The following CDH15 variants were observed in gnomAD, a reference collection of about 807,000 sequenced individuals.
CDH15 encodes the protein cadherin-15.
In CDH15, 73 loss-of-function variants were observed where a neutral mutation model predicts 69.4. The ratio of observed to expected loss-of-function variants is 1.05; its 90% CI spans 0.87 to 1.28. CDH15 has a LOEUF of 1.28. CDH15 is among the 50% of genes most tolerant of loss of function. The probability of loss-of-function intolerance (pLI) is 0.00; values close to 1 mark genes in which losing one functional copy is unlikely to be tolerated. For missense variants in CDH15, 1,343 were observed against 1,133.6 expected, an observed-to-expected ratio of 1.18 and a Z score of -2.65; for synonymous variants, 624 against 507.7, an observed-to-expected ratio of 1.23 and a Z score of -3.08.
In CDH15 at chr16:89,195,129, CCCAGACACAGAGG is replaced by C; in HGVS notation, c.2422_2434del (p.Arg808GlyfsTer27). Reference sequence around the variant, plus strand: ...GGGTCTTTCTCCTGGGGCACTGCTACCCAGACACAGAGGCCGGACAGCCTGACCCTGGGGCGCA... The same window carrying C: ...GGGTCTTTCTCCTGGGGCACTGCTACCCGGACAGCCTGACCCTGGGGCGCA... On this transcript the variant is annotated frameshift_variant, in exon 14 of 14. Coordinates refer to ENST00000289746, the MANE Select transcript of CDH15 (RefSeq NM_004933.3). LOFTEE classifies it low-confidence loss of function (END_TRUNC). The C allele has an allele frequency of 6.2e-7, 1 of 1,601,820 alleles. No individual in the cohort carries two copies. Among genetic ancestry groups the C allele is most frequent in the Non-Finnish European group, 8.5e-7 (1 of 1,173,606 alleles).
In CDH15 at chr16:89,185,230, C is replaced by G; in HGVS notation, c.560C>G (p.Ala187Gly). 6.2e-7 allele frequency: 1 copy of G among 1,606,106 alleles called. No individual in the cohort carries two copies. The highest frequency in any genetic ancestry group is 1.1e-5 in the South Asian group (1 of 89,686). ...TDADDPETDN[A>G]ALRFSILQQG... ...GCCGACGACCCCGAGACGGACAACG[C>G]AGCGCTGCGGTTCTCCATCCTGCAG... is the stretch of plus-strand genomic sequence containing the variant. Residue 187 changes from alanine to glycine, a missense_variant, in exon 5 of 14, where the codon GCA (alanine) becomes GGA (glycine). Transcript: ENST00000289746.
chr16:89,192,285 C>A lies in CDH15; in HGVS notation c.1696C>A (p.Gln566Lys), dbSNP rs755077990. Residue 566 changes from glutamine to lysine, a missense_variant, in exon 11 of 14, where the codon CAG becomes AAG. Gln to Lys is a moderately conservative substitution (Grantham distance 53). Coordinates refer to ENST00000289746, the MANE Select transcript of CDH15 (RefSeq NM_004933.3). The stretch of plus-strand genomic sequence containing the variant: ...CAGCCTGCTGCTCCGGGACTCGGGG[C>A]AGCCGCCCCAGCAGCGCGAGCAGCC... ...RLSLLLRDSG[Q>K]PPQQREQPLN... The A allele has an allele frequency of 4.6e-6, 7 of 1,531,644 alleles. No individual in the cohort carries two copies. In the South Asian group the frequency reaches 8.4e-5, roughly 18 times the overall value. 94.9% of individuals were successfully genotyped at this position (1,531,644 alleles called of 1,614,324 possible).
At chr16:89,191,225 G>T in intron 8 of CDH15, 105 bp from the exon 9 acceptor site, 17 of 1,281,928 alleles carry the variant, frequency 1.3e-5, no homozygotes, top group Non-Finnish European at 1.7e-5. Context: ...TGGTATGTAT[G>T]TGTGTGCCTG....
At chr16:89,178,572 C>G (rs1289119102) in intron 1 of CDH15, among the ~76,000 whole-genome samples, 1 of 151,734 alleles carries the variant, frequency 6.6e-6, no homozygotes, top group Non-Finnish European at 1.5e-5. Flanking sequence ...CCAGCCCCAC[C>G]GAGGCAGCCC....
chr16:89,192,011 G>A, intron 10 of CDH15, 117 bp downstream of exon 10: 1 of 1,179,442 alleles, frequency 8.5e-7, no homozygotes, highest in Admixed American at 2.1e-5. Flanking sequence ...CCTGCAACAG[G>A]TCCCCTCCCG....
At chr16:89,193,975 C>T in intron 13 of CDH15, 62 bp downstream of exon 13, 7 of 1,553,180 alleles carry the variant, frequency 4.5e-6, no homozygotes, top group Non-Finnish European at 4.4e-6. Flanking sequence ...CACACATGCA[C>T]ATGTACACAC....
intron 2 of CDH15, 93 bp from the exon 3 acceptor site, chr16:89,180,107 T>G: frequency 7.3e-7 from 1 of 1,377,782 alleles, no homozygotes; most frequent in Admixed American, 1.9e-5. Flanking sequence ...AGACCTGCCC[T>G]GCTGTCAGCT....
At position 89,180,260 on chromosome 16, in the gene CDH15, G is replaced by A. The variant is rs753905917; in HGVS notation, c.262G>A (p.Asp88Asn). 7 of 1,610,532 alleles carry A rather than the reference G, an allele frequency of 4.3e-6. No individual in the cohort carries two copies. The highest frequency in any genetic ancestry group is 1.7e-4 in the Middle Eastern group (1 of 5,904). ...CTACAGCATCCAGGGACCCGGCGTG[G>A]ATGAGGAGCCCCGGGGCGTCTTCTC... ...VIYSIQGPGV[D>N]EEPRGVFSID... Residue 88 changes from aspartate to asparagine, a missense_variant, in exon 3 of 14, where the codon GAT (aspartate) becomes AAT (asparagine). Physicochemically the swap from Asp to Asn is conservative, Grantham distance 23. Transcript: ENST00000289746.
At chr16:89,190,779 C>T (rs575036189) in intron 8 of CDH15, among the ~76,000 whole-genome samples, 21 of 152,262 alleles carry the variant, frequency 1.4e-4, no homozygotes, top group African/African-American at 4.8e-4. Flanking sequence ...ACTGGCCGTT[C>T]GCATCTCATT....
intron 3 of CDH15, 60 bp downstream of exon 3, chr16:89,180,415 C>G (rs1915351010): frequency 1.3e-6 from 2 of 1,555,250 alleles, no homozygotes; most frequent in African/African-American, 1.4e-5. Flanking sequence ...AAGCCAGTGC[C>G]CCTCCTCCCC....
At chr16:89,185,495 C>T in intron 5 of CDH15, 162 bp downstream of exon 5, 1 of 858,588 alleles carries the variant, frequency 1.2e-6, no homozygotes, top group Non-Finnish European at 1.9e-6. Context: ...TGGGGTGAAC[C>T]CACTGATGCG....
chr16:89,183,949 C>T (rs1280134117), intron 4 of CDH15, among the ~76,000 whole-genome samples: 1 of 152,156 alleles, frequency 6.6e-6, no homozygotes, highest in African/African-American at 2.4e-5. Context: ...AATGACTTCT[C>T]CCTCCTGCTG....
chr16:89,180,971 G>A (rs1476067118), intron 3 of CDH15, among the ~76,000 whole-genome samples: 9 of 83,802 alleles, frequency 1.1e-4, no homozygotes, highest in East Asian at 1.5e-3. Context: ...CACCGCGCCC[G>A]ACCTTTTTTT....
chr16:89,195,082 G>C lies in CDH15; in HGVS notation c.2372G>C (p.Arg791Thr). The change falls in exon 14 of 14, where the codon AGA becomes ACA. Residue 791 changes from arginine (R) to threonine (T), a missense_variant. Arg to Thr is a moderately conservative substitution (Grantham distance 71). Transcript: ENST00000289746. ...CCGTGCGGGTTGGAGTACGGGGCCA[G>C]ATGGGACCACCAGGCCAGGGAGGGT... is the stretch of plus-strand genomic sequence containing the variant. ...GHPCGLEYGARWDHQAREGLS... is the reference protein window; with the variant it reads ...GHPCGLEYGATWDHQAREGLS... 1 of 1,612,064 alleles carries C rather than the reference G, an allele frequency of 6.2e-7. No homozygotes were observed. The highest frequency in any genetic ancestry group is 1.7e-4 in the Middle Eastern group (1 of 5,992).
intron 1 of CDH15, among the ~76,000 whole-genome samples, chr16:89,174,597 C>A (rs576021251): frequency 6.6e-6 from 1 of 152,282 alleles, no homozygotes; most frequent in East Asian, 1.9e-4. Context: ...AGGAGCAGAC[C>A]TCAAGAGAGG....
chr16:89,187,463 C>T lies in CDH15; in HGVS notation c.698C>T (p.Ala233Val), dbSNP rs201064018. ...GTGTACAATCTGACCCTGCAGGTGG[C>T]GGACATGTCTGGAGACGGCCTCACA... ...VAVYNLTLQV[A>V]DMSGDGLTAT... The change falls in exon 6 of 14, where the codon GCG becomes GTG. Residue 233 changes from alanine (A) to valine (V), a missense_variant. By Grantham distance (64) the Ala-to-Val change is moderately conservative (BLOSUM62 0). Coordinates refer to ENST00000289746, the MANE Select transcript of CDH15 (RefSeq NM_004933.3). The T allele has an allele frequency of 6.8e-6, 11 of 1,613,470 alleles. No homozygotes were observed. The highest frequency in any genetic ancestry group is 3.3e-5 in the South Asian group (3 of 91,072).
At chr16:89,187,626 A>C in intron 6 of CDH15, 69 bp downstream of exon 6, 1 of 1,596,646 alleles carries the variant, frequency 6.3e-7, no homozygotes, top group African/African-American at 1.3e-5. Context: ...GGGCTCCTGC[A>C]GAAGGCAGCG....
Position 89,185,302 on chromosome 16 carries a change from T to G in CDH15, c.632T>G (p.Ile211Ser). ...AGCATCGACGAGCTCACAGGAGAGA[T>G]CCGCACAGTGCAAGTGGGGCTGGAC... ...LFSIDELTGE[I>S]RTVQVGLDRE... The change falls in exon 5 of 14, where the codon ATC (isoleucine) becomes AGC (serine). Residue 211 changes from isoleucine (I) to serine (S), a missense_variant. Coordinates refer to ENST00000289746, the MANE Select transcript of CDH15 (RefSeq NM_004933.3). 6.2e-7 allele frequency: 1 copy of G among 1,605,676 alleles called. No homozygotes were observed. The highest frequency in any genetic ancestry group is 8.5e-7 in the Non-Finnish European group (1 of 1,176,612).
intron 5 of CDH15, among the ~76,000 whole-genome samples, chr16:89,186,406 C>G (rs76266026): frequency 5.0e-4 from 57 of 113,116 alleles, no homozygotes; most frequent in South Asian, 4.5e-3. Flanking sequence ...GCTCTGTAAA[C>G]GCTCACCCAG....
Sources: gnomAD v4.1 joint callset for allele counts (sites outside exome capture counted in the v4.1 genomes callset) on GRCh38, gnomAD v4.1.1 for gene constraint, MANE v1.5 for transcripts, NCBI Gene and HGNC (gene_info 2026-07-23, HGNC 2026-07-21) for gene names.